The following PIK3R3 variants were observed in gnomAD, a reference collection of about 807,000 sequenced individuals.
PIK3R3 encodes phosphoinositide-3-kinase regulatory subunit 3.
PIK3R3 carries 64 observed loss-of-function variants against 62.9 expected under a neutral mutation model. That is an observed-to-expected ratio of 1.02 (90% CI 0.83 to 1.25). The LOEUF (loss-of-function observed/expected upper bound fraction) is 1.25, where lower values mean the gene tolerates loss of function less well. PIK3R3 is among the 50% of genes most tolerant of loss of function. The pLI is 0.00. For synonymous variants in PIK3R3, 165 were observed against 189.0 expected (o/e 0.87, Z 1.04); for missense variants, 614 against 561.6 (o/e 1.09, Z -0.94).
the PIK3R3 span, among the ~76,000 whole-genome samples, chr1:46,150,803 CTTT>C: frequency 1.8e-4 from 20 of 112,778 alleles, no homozygotes; most frequent in African/African-American, 5.5e-4. Flanking sequence ...GGTAAACACT[CTTT>C]TTTTTTTTTT....
chr1:46,048,756 G>A (rs987794043), intron 7 of PIK3R3, among the ~76,000 whole-genome samples: 10 of 151,488 alleles, frequency 6.6e-5, no homozygotes, highest in African/African-American at 2.4e-4. Flanking sequence ...AATTGCTTTT[G>A]CTCCACCCTC....
At position 46,067,032 on chromosome 1, in the gene PIK3R3, G is replaced by A. The variant is rs79678059; in HGVS notation, c.374C>T (p.Ser125Phe). The stretch of plus-strand genomic sequence containing the variant: ...CACGGAATTAAATGTCAGAGGATCA[G>A]AAAAGCCATATTTACCATCCCGGTG... ...IYHRDGKYGF[S>F]DPLTFNSVVE... is the part of the protein sequence containing the mutation. Residue 125 changes from serine (S) to phenylalanine (F), a missense_variant, in exon 4 of 10, where the codon TCT becomes TTT. Physicochemically the swap from Ser to Phe is radical, Grantham distance 155. Coordinates refer to ENST00000262741, the MANE Select transcript of PIK3R3 (RefSeq NM_003629.4). 11 of 1,602,974 alleles carry A rather than the reference G, an allele frequency of 6.9e-6. No homozygotes were observed. Among genetic ancestry groups the A allele is most frequent in the Non-Finnish European group, 9.4e-6 (11 of 1,175,586 alleles).
chr1:46,072,380 T>C (rs1649618181), intron 3 of PIK3R3, among the ~76,000 whole-genome samples: 1 of 152,232 alleles, frequency 6.6e-6, no homozygotes, highest in Admixed American at 6.5e-5. Context: ...TGTCATTTCC[T>C]GCGAGAAACT....
the PIK3R3 span, among the ~76,000 whole-genome samples, chr1:46,142,654 C>T: frequency 2.0e-5 from 3 of 151,040 alleles, no homozygotes; most frequent in African/African-American, 2.4e-5. Flanking sequence ...GCCAAGATCA[C>T]GCCACTGCAC....
intron 1 of PIK3R3, among the ~76,000 whole-genome samples, chr1:46,129,539 T>C (rs1216965212): frequency 6.6e-6 from 1 of 152,116 alleles, no homozygotes; most frequent in Non-Finnish European, 1.5e-5. Context: ...AACATTACCG[T>C]GGCTTGAACA....
At chr1:46,110,275 CTT>C (rs35873858) in intron 1 of PIK3R3, among the ~76,000 whole-genome samples, 116 of 71,306 alleles carry the variant, frequency 1.6e-3, no homozygotes, top group South Asian at 0.013. Context: ...CCAGGCTTGG[CTT>C]TTTTTTTTTT....
chr1:46,161,823 T>G, the PIK3R3 span, among the ~76,000 whole-genome samples: 4 of 152,226 alleles, frequency 2.6e-5, no homozygotes, highest in African/African-American at 9.6e-5. Context: ...CCAGGCACGG[T>G]GGCTCAAGCC....
the PIK3R3 span, among the ~76,000 whole-genome samples, chr1:46,162,275 G>A: frequency 1.3e-5 from 2 of 152,016 alleles, no homozygotes; most frequent in Non-Finnish European, 2.9e-5. Context: ...TTGAGCCCAG[G>A]AGTTAGAGAC....
chr1:46,137,748 A>G (rs1457031520), upstream of PIK3R3, among the ~76,000 whole-genome samples: 11 of 152,154 alleles, frequency 7.2e-5, no homozygotes, highest in Non-Finnish European at 1.5e-5. Flanking sequence ...TTAACCATCA[A>G]TGCCCAGCCC....
At chr1:46,107,129 G>A (rs1653289572) in intron 1 of PIK3R3, among the ~76,000 whole-genome samples, 1 of 152,130 alleles carries the variant, frequency 6.6e-6, no homozygotes, top group Non-Finnish European at 1.5e-5. Flanking sequence ...GCCAAGGCGA[G>A]TGGATCACTT....
chr1:46,043,752 G>A lies in PIK3R3; in HGVS notation c.1307C>T (p.Ser436Phe). Residue 436 changes from serine (S) to phenylalanine (F), a missense_variant, in exon 10 of 10, where the codon TCC becomes TTC. Physicochemically the swap from Ser to Phe is radical, Grantham distance 155 (BLOSUM62 -2). Transcript: ENST00000262741. ...GAGGGAGTCGTTGTGCTGAACCAAG[G>A]ATGTCTGCTGGTAATGGAGCACTAG... The part of the protein sequence containing the change: ...KELVLHYQQT[S>F]LVQHNDSLNV... The A allele has an allele frequency of 1.2e-6, 2 of 1,614,208 alleles. No individual in the cohort carries two copies. The highest frequency in any genetic ancestry group is 1.7e-6 in the Non-Finnish European group (2 of 1,180,028).
intron 1 of PIK3R3, among the ~76,000 whole-genome samples, chr1:46,112,285 C>A (rs1367412482): frequency 6.6e-6 from 1 of 152,178 alleles, no homozygotes; most frequent in South Asian, 2.1e-4. Flanking sequence ...TACATACAGA[C>A]TTATAACACA....
chr1:46,158,640 T>C, the PIK3R3 span, among the ~76,000 whole-genome samples: 1 of 152,246 alleles, frequency 6.6e-6, no homozygotes, highest in Non-Finnish European at 1.5e-5. Context: ...TAGCAGGTGC[T>C]GGTACATTTA....
intron 3 of PIK3R3, among the ~76,000 whole-genome samples, chr1:46,069,532 A>AG (rs1220347348): frequency 1.3e-5 from 2 of 151,940 alleles, no homozygotes. Context: ...AAAAAAAAAA[A>AG]GAATATGTTT....
intron 1 of PIK3R3, among the ~76,000 whole-genome samples, chr1:46,096,093 A>G (rs1468896184): frequency 2.6e-5 from 4 of 152,206 alleles, no homozygotes; most frequent in African/African-American, 9.6e-5. Flanking sequence ...ACAATGGATT[A>G]ATTATATGTT....
At position 46,041,749 on chromosome 1, in the gene PIK3R3, C is replaced by T. The variant is rs1647000581; in HGVS notation, c.*1924G>A. 4.9e-6 allele frequency: 1 copy of T among 202,912 alleles called. No individual in the cohort carries two copies. Among genetic ancestry groups the T allele is most frequent in the Non-Finnish European group, 1.0e-5 (1 of 98,520 alleles). The allele number at this position is 202,912 out of a possible 1,614,324, so 12.6% of individuals were successfully genotyped here. The stretch of plus-strand genomic sequence containing the variant: ...ACAGTTTGGGGAAGGGATGTGCTGG[C>T]TATTAGTTAAATGACTTTAGAGGGG... On this transcript the variant is annotated 3_prime_UTR_variant, in exon 10 of 10. Coordinates refer to ENST00000262741, the MANE Select transcript of PIK3R3 (RefSeq NM_003629.4).
In PIK3R3 at chr1:46,041,504, T is replaced by C. The variant is rs1409934299; in HGVS notation, c.*2169A>G. ...TCTGCCCAACAAGGAGCAGACACAT[T>C]ACTGAATACTACAGCCCTGTATCTG... On this transcript the variant is annotated 3_prime_UTR_variant, in exon 10 of 10. Coordinates refer to ENST00000262741, the MANE Select transcript of PIK3R3 (RefSeq NM_003629.4). 1.1e-5 allele frequency: 2 copies of C among 176,046 alleles called. No individual in the cohort carries two copies. The highest frequency in any genetic ancestry group is 4.7e-5 in the African/African-American group (2 of 42,178). 10.9% of individuals were successfully genotyped at this position (176,046 alleles called of 1,614,324 possible).
At chr1:46,072,105 T>C (rs1376324109) in intron 3 of PIK3R3, among the ~76,000 whole-genome samples, 1 of 152,218 alleles carries the variant, frequency 6.6e-6, no homozygotes, top group Non-Finnish European at 1.5e-5. Flanking sequence ...GTCAGTTTTC[T>C]ACATTCTCTT....
chr1:46,102,925 GTC>G (rs1220183096), intron 1 of PIK3R3, among the ~76,000 whole-genome samples: 1 of 150,856 alleles, frequency 6.6e-6, no homozygotes, highest in Non-Finnish European at 1.5e-5. Context: ...GCAACCCAAA[GTC>G]TATCAACAGA....
Sources: allele counts gnomAD v4.1 joint callset (sites outside exome capture counted in the v4.1 genomes callset), GRCh38; gene constraint gnomAD v4.1.1; transcripts MANE v1.5; gene names NCBI Gene and HGNC (gene_info 2026-07-23, HGNC 2026-07-21).